GALNT9: variants seen among roughly 807,000 people sequenced by gnomAD.
GALNT9 encodes GalNAc transferase 9.
GALNT9 carries 47 observed loss-of-function variants against 63.1 expected under a neutral mutation model. The observed-to-expected ratio is 0.75, with a 90% CI of 0.59 to 0.95. GALNT9 has a LOEUF of 0.95. GALNT9 is among the 40% of genes least tolerant of loss of function. The pLI, the probability that GALNT9 is intolerant of heterozygous loss-of-function variation, is 0.00. For synonymous variants in GALNT9, 396 were observed against 365.7 expected (o/e 1.08, Z -0.94); for missense variants, 829 against 874.8 (o/e 0.95, Z 0.66).
At chr12:132,240,184 G>C (rs1298641056) in intron 6 of GALNT9, among the ~76,000 whole-genome samples, 1 of 152,182 alleles carries the variant, frequency 6.6e-6, no homozygotes, top group Non-Finnish European at 1.5e-5. Context: ...TGCTTGAGAG[G>C]AATCTCCTCT....
At chr12:132,289,860 C>T (rs1555242534) in intron 1 of GALNT9, among the ~76,000 whole-genome samples, 1 of 152,186 alleles carries the variant, frequency 6.6e-6, no homozygotes, top group South Asian at 2.1e-4. Context: ...TGGTCACAGG[C>T]GGGTCACCAC....
intron 1 of GALNT9, among the ~76,000 whole-genome samples, chr12:132,309,072 G>A (rs924872745): frequency 1.1e-4 from 16 of 152,378 alleles, no homozygotes; most frequent in African/African-American, 3.8e-4. Context: ...GCGGTGGGCA[G>A]AACCCGGCCC....
chr12:132,282,503 T>G lies in GALNT9; in HGVS notation c.419+3747A>C. Among the ~76,000 whole-genome samples, 1 of 152,232 alleles carries G rather than the reference T, an allele frequency of 6.6e-6. No homozygotes were observed. Among genetic ancestry groups the G allele is most frequent in the Admixed American group, 6.5e-5 (1 of 15,288 alleles). ...AATTTATTGCAAAGTCAAGTGGGTC[T>G]GTTTTGGGAACAGCTGGATCTAGGT... On this transcript the variant is annotated intron_variant, in intron 2 of 10. Coordinates refer to ENST00000328957, the MANE Select transcript of GALNT9 (RefSeq NM_001122636.2). The surrounding 1 kb of genome is among the most constrained non-coding windows in gnomAD (Gnocchi z 4.5).
chr12:132,250,328 C>T (rs76526720), intron 5 of GALNT9, among the ~76,000 whole-genome samples: 11,767 of 152,158 alleles, frequency 0.077, 607 homozygotes, highest in Middle Eastern at 0.2. Flanking sequence ...GGGGTCCCCA[C>T]GGGGAGGGAG....
In GALNT9 at chr12:132,289,311, G is replaced by C. The variant is rs113369679; in HGVS notation, c.239-2881C>G. On this transcript the variant is annotated intron_variant, in intron 1 of 10. Transcript: ENST00000328957. ...CATCTCATCGGCTTGATCTTTTGTC[G>C]TGCCATGTTGCCAACTAGCCTGTCC... is the stretch of plus-strand genomic sequence containing the variant. Among the ~76,000 whole-genome samples, 15 of 152,068 alleles carry C rather than the reference G, an allele frequency of 9.9e-5. 1 individual carries two copies. In the East Asian group the frequency reaches 2.7e-3, roughly 27 times the overall value.
At position 132,226,292 on chromosome 12, in the gene GALNT9, T is replaced by A. The variant is rs1393048354; in HGVS notation, c.1077+21618A>T. On this transcript the variant is annotated intron_variant, in intron 6 of 10. Transcript: ENST00000328957. ...ATACACACCCCACACATACACCTCATACACACCATATACACGCTGCACATA... is the reference window on the plus strand; with the variant it reads ...ATACACACCCCACACATACACCTCAAACACACCATATACACGCTGCACATA... 6.0e-5 allele frequency among the ~76,000 whole-genome samples: 8 copies of A among 133,148 alleles called. No homozygotes were observed. The East Asian group carries it at 2.0e-3, about 33-fold the overall frequency. The allele number at this position is 133,148 out of a possible 152,430, so 87.4% of individuals were successfully genotyped here.
chr12:132,214,550 A>G (rs11247004), intron 6 of GALNT9, among the ~76,000 whole-genome samples: 39,562 of 151,878 alleles, frequency 0.26, 5,339 homozygotes, highest in Middle Eastern at 0.4. Context: ...CCATCCTCCC[A>G]CCCAACCACT....
chr12:132,247,703 G>C (rs28430409), intron 6 of GALNT9: 1 of 754,782 alleles, frequency 1.3e-6, no homozygotes, highest in East Asian at 3.5e-5. Flanking sequence ...CCCTCACCCC[G>C]TCCCCAGACA....
At chr12:132,305,383 G>A (rs1231810055) in intron 1 of GALNT9, among the ~76,000 whole-genome samples, 3 of 42,096 alleles carry the variant, frequency 7.1e-5, no homozygotes, top group Non-Finnish European at 1.3e-4. Flanking sequence ...ACCCTCACCC[G>A]GGCACATCCT....
chr12:132,301,665 G>T (rs1476205975), intron 1 of GALNT9, among the ~76,000 whole-genome samples: 9 of 152,258 alleles, frequency 5.9e-5, no homozygotes, highest in Non-Finnish European at 1.2e-4. Flanking sequence ...GCCCTTGGAG[G>T]AGGGACCTGG....
chr12:132,299,030 A>G (rs940694588), intron 1 of GALNT9, among the ~76,000 whole-genome samples: 1 of 147,302 alleles, frequency 6.8e-6, no homozygotes, highest in Non-Finnish European at 1.5e-5. Context: ...GCCACTCCTG[A>G]GATAACTCAC....
chr12:132,283,765 G>A (rs1880461387), intron 2 of GALNT9: 1 of 152,284 alleles, frequency 6.6e-6, no homozygotes, highest in South Asian at 2.1e-4. Flanking sequence ...CCCCAGGAGG[G>A]GACACCTGGG....
intron 3 of GALNT9, among the ~76,000 whole-genome samples, chr12:132,261,939 C>A (rs1443107001): frequency 6.6e-6 from 1 of 152,216 alleles, no homozygotes; most frequent in East Asian, 1.9e-4. Context: ...GGGGCTTGGG[C>A]TCCAGCTGCG....
rs782551411 is a variant in GALNT9 at position 132,245,706 on chromosome 12, T to G, written c.1077+2204A>C. On this transcript the variant is annotated intron_variant, in intron 6 of 10. Transcript: ENST00000328957. This position sits in a 1 kb window ranked among gnomAD's most constrained non-coding sequence, Gnocchi z 6.3. ...CACACAGGTTCGCTGTCGTCCCGGC[T>G]TTGCTCTGAGCCTGAGCCTGGGATG... is the stretch of plus-strand genomic sequence containing the variant. Among the ~76,000 whole-genome samples the G allele has an allele frequency of 2.6e-5, 4 of 152,202 alleles. No homozygotes were observed. The highest frequency in any genetic ancestry group is 5.9e-5 in the Non-Finnish European group (4 of 68,040).
At chr12:132,240,538 G>C (rs1878218470) in intron 6 of GALNT9, 1 of 441,954 alleles carries the variant, frequency 2.3e-6, no homozygotes, top group Non-Finnish European at 4.5e-6. Flanking sequence ...TGTGGGCCTG[G>C]CGTGGCCCCA....
At position 132,196,966 on chromosome 12, in the gene GALNT9, C is replaced by T; in HGVS notation, c.*141G>A. 1 of 1,494,364 alleles carries T rather than the reference C, an allele frequency of 6.7e-7. No individual in the cohort carries two copies. The allele number at this position is 1,494,364 out of a possible 1,614,324, so 92.6% of individuals were successfully genotyped here. On this transcript the variant is annotated 3_prime_UTR_variant, in exon 11 of 11. Transcript: ENST00000328957. ...TGACACCCTGGTCACTCAGCCACAC[C>T]CCGGCCCCTCAGCCTCTGCTGTCCT...
intron 2 of GALNT9, chr12:132,280,246 G>C (rs1880284157): frequency 6.6e-6 from 1 of 152,258 alleles, no homozygotes; most frequent in Admixed American, 6.5e-5. Context: ...TGGATTTTAT[G>C]TCTTACTGAC....
At chr12:132,277,343 A>G (rs1205091009) in intron 2 of GALNT9, 1 of 154,910 alleles carries the variant, frequency 6.5e-6, no homozygotes, top group African/African-American at 2.4e-5. Flanking sequence ...CTAACATCAC[A>G]TGCCCAAGTG....
chr12:132,244,884 T>G (rs1555237879), intron 6 of GALNT9, among the ~76,000 whole-genome samples: 2 of 150,782 alleles, frequency 1.3e-5, no homozygotes, highest in Non-Finnish European at 3.0e-5. Flanking sequence ...AGAACTGGGT[T>G]CTGGTTCTCA....
Sources: allele counts gnomAD v4.1 joint callset (sites outside exome capture counted in the v4.1 genomes callset), GRCh38; gene constraint gnomAD v4.1.1; non-coding constraint Gnocchi (gnomAD v3.1); transcripts MANE v1.5; gene names NCBI Gene and HGNC (gene_info 2026-07-23, HGNC 2026-07-21).